The following REEP1 variants were observed in gnomAD, a reference collection of about 807,000 sequenced individuals.
The protein encoded by REEP1 is receptor expression-enhancing protein 1.
In REEP1, 22 loss-of-function variants were observed where a neutral mutation model predicts 40.3. That is an observed-to-expected ratio of 0.55 (90% CI 0.39 to 0.78). The LOEUF (loss-of-function observed/expected upper bound fraction) is 0.78, where lower values mean the gene tolerates loss of function less well. Among genes scored for constraint, REEP1 ranks in the 30% least tolerant of loss-of-function variants. The pLI is 0.00. For synonymous variants in REEP1, 116 were observed against 139.2 expected (o/e 0.83, Z 1.17); for missense variants, 280 against 361.1 (o/e 0.78, Z 1.82).
chr2:86,335,019 AAC>A (rs1262043118), intron 1 of REEP1, among the ~76,000 whole-genome samples: 2 of 152,230 alleles, frequency 1.3e-5, no homozygotes, highest in Non-Finnish European at 1.5e-5. Context: ...TCTGACTCCA[AAC>A]ACAGTATTCC....
intron 4 of REEP1, among the ~76,000 whole-genome samples, chr2:86,254,387 C>G (rs1676433803): frequency 6.6e-6 from 1 of 152,072 alleles, no homozygotes; most frequent in South Asian, 2.1e-4. Context: ...AGGACAGGGG[C>G]TAAGCATGAC....
chr2:86,311,187 ATTAAAATAATTG>A (rs61232911), intron 1 of REEP1, among the ~76,000 whole-genome samples: 6,197 of 152,072 alleles, frequency 0.041, 439 homozygotes, highest in African/African-American at 0.14. Flanking sequence ...AGATGGAATT[ATTAAAATAATTG>A]TGAGCACTAG....
At chr2:86,232,377 A>T (rs1466973609) in intron 6 of REEP1, among the ~76,000 whole-genome samples, 1 of 152,126 alleles carries the variant, frequency 6.6e-6, no homozygotes, top group African/African-American at 2.4e-5. Context: ...AGACAATCAT[A>T]TGGAGGAAAG....
In REEP1 at chr2:86,263,982, T is replaced by G; in HGVS notation, c.165A>C (p.Thr55=). 6.2e-7 allele frequency: 1 copy of G among 1,613,006 alleles called. No homozygotes were observed. The highest frequency in any genetic ancestry group is 8.5e-7 in the Non-Finnish European group (1 of 1,178,990). ...GTACTTACCAACAAAGGAAGATGTCTGTGAATGTCTCTGCTGTGGTGAAAA... is the reference window on the plus strand; with the variant it reads ...GTACTTACCAACAAAGGAAGATGTCGGTGAATGTCTCTGCTGTGGTGAAAA... ...FALFTTAETF[T]DIFLCWFPFY... is the part of the protein sequence containing the mutation. Residue 55 remains threonine (T), a synonymous_variant, in exon 3 of 9, where the codon ACA becomes ACC. Coordinates refer to ENST00000538924, the MANE Select transcript of REEP1 (RefSeq NM_001371279.1).
intron 3 of REEP1, among the ~76,000 whole-genome samples, chr2:86,260,162 C>T (rs1676780455): frequency 6.6e-6 from 1 of 152,158 alleles, no homozygotes. Flanking sequence ...GGATCTATGA[C>T]ACCTGGAGGT....
At chr2:86,279,621 A>C (rs1677949560) in intron 2 of REEP1, among the ~76,000 whole-genome samples, 1 of 152,222 alleles carries the variant, frequency 6.6e-6, no homozygotes, top group African/African-American at 2.4e-5. Flanking sequence ...AATCACATGA[A>C]TCCTTAAAGT....
chr2:86,275,094 C>G (rs1192185069), intron 2 of REEP1, among the ~76,000 whole-genome samples: 1 of 152,204 alleles, frequency 6.6e-6, no homozygotes, highest in Non-Finnish European at 1.5e-5. Flanking sequence ...CCTCTTGCAT[C>G]TGGGCCCTGC....
Position 86,252,087 on chromosome 2 carries a change from A to G in REEP1, c.304-17T>C. 1 of 1,533,378 alleles carries G rather than the reference A, an allele frequency of 6.5e-7. No homozygotes were observed. Among genetic ancestry groups the G allele is most frequent in the Non-Finnish European group, 9.0e-7 (1 of 1,106,324 alleles). The allele number at this position is 1,533,378 out of a possible 1,614,324, so 95.0% of individuals were successfully genotyped here. On this transcript the variant is annotated splice_polypyrimidine_tract_variant and intron_variant, in intron 4 of 8. Transcript: ENST00000538924. The stretch of plus-strand genomic sequence containing the variant: ...ATCGATTTCCTGTCAAAGGAAAAAC[A>G]GAGGCACACTGAGCTGGAAGGTTCA...
Position 86,226,123 on chromosome 2 carries a change from C to T in REEP1, c.631+1240G>A, listed in dbSNP as rs867925009. On this transcript the variant is annotated intron_variant, in intron 7 of 8. Transcript: ENST00000538924. ...ACCACCACCACCACCACCATCATCA[C>T]CACCACCACCACCACCATCATCATC... is the stretch of plus-strand genomic sequence containing the variant. Among the ~76,000 whole-genome samples, 380 of 139,650 alleles carry T rather than the reference C, an allele frequency of 2.7e-3. 1 individual carries two copies. Among genetic ancestry groups the T allele is most frequent in the African/African-American group, 0.01 (351 of 33,998 alleles). 91.6% of individuals were successfully genotyped at this position (139,650 alleles called of 152,430 possible).
Position 86,301,144 on chromosome 2 carries a change from G to T in REEP1, c.33-18902C>A, listed in dbSNP as rs557456373. Among the ~76,000 whole-genome samples the T allele has an allele frequency of 2.0e-5, 3 of 152,348 alleles. No individual in the cohort carries two copies. The East Asian group carries it at 5.8e-4, about 29-fold the overall frequency. On this transcript the variant is annotated intron_variant, in intron 1 of 8. Coordinates refer to ENST00000538924, the MANE Select transcript of REEP1 (RefSeq NM_001371279.1). ...TGAAGATGTGAGACCAGAGAAGCTG[G>T]GAGCTGTCCAACTCCTTCATCCGCA...
At chr2:86,314,251 C>A (rs927733034) in intron 1 of REEP1, among the ~76,000 whole-genome samples, 3 of 152,208 alleles carry the variant, frequency 2.0e-5, no homozygotes, top group African/African-American at 7.2e-5. Context: ...CCAGTGGCAG[C>A]AGCTTGGATG....
intron 5 of REEP1, chr2:86,251,398 T>C (rs950770656): frequency 1.2e-5 from 2 of 165,096 alleles, no homozygotes; most frequent in African/African-American, 2.4e-5. Context: ...TCAGTTGTTA[T>C]GGCTTGGCAC....
intron 4 of REEP1, among the ~76,000 whole-genome samples, chr2:86,253,058 T>C (rs1280210526): frequency 2.0e-5 from 3 of 152,048 alleles, no homozygotes; most frequent in Non-Finnish European, 4.4e-5. Context: ...AAGGTGGGCG[T>C]ATCACCTGAG....
chr2:86,282,873 A>C (rs909335766), intron 1 of REEP1, among the ~76,000 whole-genome samples: 49 of 152,130 alleles, frequency 3.2e-4, no homozygotes, highest in African/African-American at 1.1e-3. Flanking sequence ...TGGGTCACTA[A>C]ATGATCTTGT....
intron 6 of REEP1, 115 bp from the exon 7 acceptor site, chr2:86,227,513 G>A: frequency 6.0e-6 from 5 of 835,306 alleles, no homozygotes; most frequent in Non-Finnish European, 8.0e-6. Context: ...TACAATATAG[G>A]GATCCCAGGA....
intron 1 of REEP1, among the ~76,000 whole-genome samples, chr2:86,334,386 C>A (rs566073409): frequency 6.6e-6 from 1 of 152,130 alleles, no homozygotes; most frequent in Admixed American, 6.5e-5. Context: ...ATTACTTATA[C>A]AAAACGTGAC....
At chr2:86,265,789 TG>T in intron 2 of REEP1, among the ~76,000 whole-genome samples, 1 of 151,882 alleles carries the variant, frequency 6.6e-6, no homozygotes, top group Middle Eastern at 3.4e-3. Context: ...CTTGAAAAGG[TG>T]GGAAGGTAGG....
intron 1 of REEP1, among the ~76,000 whole-genome samples, chr2:86,305,492 C>T (rs1679440961): frequency 6.6e-6 from 1 of 152,204 alleles, no homozygotes; most frequent in Admixed American, 6.5e-5. Context: ...TTGCCTTAAG[C>T]CAATTTCCCT....
chr2:86,251,671 C>T, intron 5 of REEP1: 1 of 470,774 alleles, frequency 2.1e-6, no homozygotes, highest in Non-Finnish European at 3.9e-6. Flanking sequence ...TTCTTGTTTC[C>T]AGTGGGGTTG....
Sources: allele counts gnomAD v4.1 joint callset (sites outside exome capture counted in the v4.1 genomes callset), GRCh38; gene constraint gnomAD v4.1.1; transcripts MANE v1.5; gene names NCBI Gene and HGNC (gene_info 2026-07-23, HGNC 2026-07-21).